Variants in TACC1 observed in about 807,000 individuals in gnomAD.
TACC1 encodes the protein transforming acidic coiled-coil-containing protein 1.
In TACC1, 48 loss-of-function variants were observed where a neutral mutation model predicts 84.4. That is an observed-to-expected ratio of 0.57 (90% CI 0.45 to 0.72). The LOEUF is 0.72. TACC1 is among the 30% of genes least tolerant of loss of function. The pLI is 0.00. For synonymous variants in TACC1, 372 were observed against 376.3 expected (o/e 0.99, Z 0.13); for missense variants, 920 against 973.0 (o/e 0.95, Z 0.72).
chr8:38,836,322 C>G, intron 7 of TACC1, 35 bp downstream of exon 7: 2 of 1,594,610 alleles, frequency 1.3e-6, no homozygotes, highest in Non-Finnish European at 1.7e-6. Flanking sequence ...CTTATCACTC[C>G]ATTTCTTTGT....
chr8:38,795,168 A>G (rs1225425966), intron 2 of TACC1, among the ~76,000 whole-genome samples: 1 of 152,212 alleles, frequency 6.6e-6, no homozygotes, highest in Non-Finnish European at 1.5e-5. Context: ...GCCTTACCCA[A>G]GGGAGTGTCT....
chr8:38,751,970 C>T (rs992390783), intron 3 of TACC1, among the ~76,000 whole-genome samples: 3 of 152,150 alleles, frequency 2.0e-5, no homozygotes, highest in African/African-American at 7.2e-5. Flanking sequence ...TTTCCTGGTG[C>T]TATGAGGCCC....
rs755166095 is a variant in TACC1, at chr8:38,843,401, A to G, written c.2228+6A>G. ...GCAGAAGAGAAACTGGACAAGTAAG[A>G]GCTTGTAAATGTTGAATTTCACTCT... On this transcript the variant is annotated splice_donor_region_variant and intron_variant, in intron 11 of 12. Coordinates refer to ENST00000317827, the MANE Select transcript of TACC1 (RefSeq NM_006283.3). The G allele has an allele frequency of 6.3e-7, 1 of 1,584,526 alleles. No homozygotes were observed. Among genetic ancestry groups the G allele is most frequent in the Non-Finnish European group, 8.6e-7 (1 of 1,164,408 alleles).
At chr8:38,738,406 G>C (rs1250599831) in intron 1 of TACC1, among the ~76,000 whole-genome samples, 1 of 152,134 alleles carries the variant, frequency 6.6e-6, no homozygotes, top group Admixed American at 6.5e-5. Flanking sequence ...ACCATGCCTG[G>C]CTACATAAAT....
intron 2 of TACC1, chr8:38,805,312 G>A (rs1315634538): frequency 6.6e-6 from 1 of 152,166 alleles, no homozygotes; most frequent in Non-Finnish European, 1.5e-5. Flanking sequence ...CAAAAATAAA[G>A]CATCATTTTT....
chr8:38,818,242 A>G (rs1227912152), intron 2 of TACC1, among the ~76,000 whole-genome samples: 3 of 152,174 alleles, frequency 2.0e-5, no homozygotes, highest in Admixed American at 6.5e-5. Flanking sequence ...AAGAAAAACA[A>G]AAATAAAAAC....
At position 38,827,163 on chromosome 8, in the gene TACC1, C is replaced by T. The variant is rs771488780; in HGVS notation, c.1453-5C>T. ...GGGTAGCATCTTCTCTGTTGTGTTTCTCAGGATGAAGGGGCAGTGATCTCC... is the reference window on the plus strand; with the variant it reads ...GGGTAGCATCTTCTCTGTTGTGTTTTTCAGGATGAAGGGGCAGTGATCTCC... On this transcript the variant is annotated splice_region_variant and splice_polypyrimidine_tract_variant and intron_variant, in intron 4 of 12. Coordinates refer to ENST00000317827, the MANE Select transcript of TACC1 (RefSeq NM_006283.3). The T allele has an allele frequency of 1.2e-6, 2 of 1,612,056 alleles. No individual in the cohort carries two copies. Among genetic ancestry groups the T allele is most frequent in the Non-Finnish European group, 1.7e-6 (2 of 1,179,256 alleles).
intron 3 of TACC1, among the ~76,000 whole-genome samples, chr8:38,822,938 A>G (rs1335144371): frequency 1.3e-5 from 2 of 152,182 alleles, no homozygotes; most frequent in African/African-American, 4.8e-5. Context: ...AAAAAGGGCC[A>G]CATTTTACTA....
At chr8:38,755,639 G>A (rs1056855751) in intron 3 of TACC1, among the ~76,000 whole-genome samples, 11 of 151,810 alleles carry the variant, frequency 7.2e-5, no homozygotes, top group African/African-American at 2.7e-4. Flanking sequence ...AGGAGTTCAA[G>A]GCTCCAGTGA....
At chr8:38,737,757 C>T (rs1205363961) in intron 1 of TACC1, among the ~76,000 whole-genome samples, 5 of 147,976 alleles carry the variant, frequency 3.4e-5, no homozygotes, top group Admixed American at 6.8e-5. Context: ...GATGGAGTTT[C>T]GTTCTTGTTG....
intron 6 of TACC1, among the ~76,000 whole-genome samples, chr8:38,835,133 A>T (rs1463907593): frequency 6.6e-6 from 1 of 151,980 alleles, no homozygotes; most frequent in African/African-American, 2.4e-5. Context: ...GGGCACCTGT[A>T]GTCCCAGCTA....
chr8:38,792,648 G>C (rs1818964917), intron 2 of TACC1, among the ~76,000 whole-genome samples: 1 of 152,154 alleles, frequency 6.6e-6, no homozygotes, highest in Non-Finnish European at 1.5e-5. Flanking sequence ...TGTATTTTTA[G>C]TAGAGACGGG....
intron 2 of TACC1, among the ~76,000 whole-genome samples, chr8:38,802,779 AAG>A (rs761527716): frequency 6.6e-6 from 1 of 152,122 alleles, no homozygotes; most frequent in Non-Finnish European, 1.5e-5. Flanking sequence ...GAAAGAGAGA[AAG>A]AGAAAAGGAG....
At chr8:38,821,942 T>TA (rs1349038115) in intron 3 of TACC1, among the ~76,000 whole-genome samples, 2 of 152,126 alleles carry the variant, frequency 1.3e-5, no homozygotes, top group African/African-American at 4.8e-5. Flanking sequence ...GAATAGGTGC[T>TA]AGGTGTGGTG....
chr8:38,809,045 G>A (rs553004748), intron 2 of TACC1, among the ~76,000 whole-genome samples: 18 of 152,126 alleles, frequency 1.2e-4, no homozygotes, highest in Non-Finnish European at 2.4e-4. Context: ...TGACTGGGCC[G>A]GGGGTGTATT....
chr8:38,846,463 C>T, intron 11 of TACC1: 1 of 355,440 alleles, frequency 2.8e-6, no homozygotes, highest in Non-Finnish European at 5.1e-6. Flanking sequence ...AAATCTAAGA[C>T]TGTTATAGAA....
chr8:38,825,282 CTTGT>C (rs756457076), intron 3 of TACC1, 22 bp from the exon 4 acceptor site: 153 of 1,613,746 alleles, frequency 9.5e-5, no homozygotes, highest in Non-Finnish European at 2.2e-5. Flanking sequence ...TGCAAACTGG[CTTGT>C]TTGTGTTTCT....
chr8:38,841,710 G>A (rs1831304022), intron 9 of TACC1, among the ~76,000 whole-genome samples: 1 of 152,152 alleles, frequency 6.6e-6, no homozygotes, highest in Admixed American at 6.5e-5. Flanking sequence ...AACACCCACT[G>A]GGAGCATCCT....
At chr8:38,748,727 T>C (rs982437144) in intron 3 of TACC1, among the ~76,000 whole-genome samples, 11 of 152,168 alleles carry the variant, frequency 7.2e-5, no homozygotes, top group African/African-American at 2.4e-4. Flanking sequence ...ACAAGAGAGA[T>C]TGAAAATATT....
Sources: gnomAD v4.1 joint callset for allele counts (sites outside exome capture counted in the v4.1 genomes callset) on GRCh38, gnomAD v4.1.1 for gene constraint, MANE v1.5 for transcripts, NCBI Gene and HGNC (gene_info 2026-07-23, HGNC 2026-07-21) for gene names.